Variants in SPATA6L observed in about 807,000 individuals in gnomAD.
SPATA6L encodes the protein spermatogenesis associated 6-like protein.
SPATA6L carries 68 observed loss-of-function variants against 49.2 expected under a neutral mutation model. The ratio of observed to expected loss-of-function variants is 1.38; its 90% CI spans 1.14 to 1.69. SPATA6L has a LOEUF of 1.69. SPATA6L is among the 40% of genes most tolerant of loss of function. The pLI, the probability that SPATA6L is intolerant of heterozygous loss-of-function variation, is 0.00. For missense variants in SPATA6L, 668 were observed against 464.3 expected (o/e 1.44, Z -4.03); for synonymous variants, 198 against 165.7 (o/e 1.19, Z -1.50).
intron 3 of SPATA6L, among the ~76,000 whole-genome samples, chr9:4,649,062 TACACACACACAC>T (rs55949521): frequency 0.12 from 17,504 of 149,988 alleles, 1,309 homozygotes; most frequent in African/African-American, 0.21. Context: ...TATAGAAATA[TACACACACACAC>T]ACACACACAC....
chr9:4,621,265 G>A (rs1360161921), intron 7 of SPATA6L, among the ~76,000 whole-genome samples: 1 of 152,166 alleles, frequency 6.6e-6, no homozygotes, highest in African/African-American at 2.4e-5. Flanking sequence ...AAGCCTACAA[G>A]GGGTTCCTTA....
chr9:4,606,032 G>C (rs1261229844), intron 9 of SPATA6L, among the ~76,000 whole-genome samples: 2 of 151,524 alleles, frequency 1.3e-5, no homozygotes, highest in Admixed American at 6.5e-5. Context: ...CCCTTTCCGA[G>C]TCAAAGAAAG....
chr9:4,636,479 A>T (rs922975626), intron 3 of SPATA6L, among the ~76,000 whole-genome samples: 2 of 152,224 alleles, frequency 1.3e-5, no homozygotes, highest in African/African-American at 2.4e-5. Context: ...CGAAGGACAG[A>T]AAGCTACCAT....
intron 11 of SPATA6L, among the ~76,000 whole-genome samples, chr9:4,603,938 T>G (rs1010562489): frequency 6.6e-5 from 10 of 152,042 alleles, no homozygotes; most frequent in Non-Finnish European, 1.3e-4. Flanking sequence ...GAAAGTCTAT[T>G]AGATAAAGGG....
intron 4 of SPATA6L, among the ~76,000 whole-genome samples, chr9:4,631,955 GAGGACTGAAC>G (rs1343848683): frequency 2.0e-5 from 3 of 152,098 alleles, no homozygotes; most frequent in Non-Finnish European, 4.4e-5. Context: ...CAAGGTGAAG[GAGGACTGAAC>G]AGGATAATCC....
chr9:4,612,851 G>A (rs1388249863), intron 9 of SPATA6L, among the ~76,000 whole-genome samples: 1 of 152,098 alleles, frequency 6.6e-6, no homozygotes, highest in Admixed American at 6.6e-5. Context: ...CCTAAAGTCT[G>A]AGGTATAACT....
At chr9:4,654,332 C>T (rs977522363) in intron 3 of SPATA6L, among the ~76,000 whole-genome samples, 3 of 152,162 alleles carry the variant, frequency 2.0e-5, no homozygotes, top group Admixed American at 6.5e-5. Context: ...GGGTGTGGCT[C>T]GCTTCTTCAG....
intron 6 of SPATA6L, 110 bp downstream of exon 6, chr9:4,625,217 C>G (rs1830111087): frequency 6.9e-7 from 1 of 1,443,620 alleles, no homozygotes; most frequent in Admixed American, 2.5e-5. Flanking sequence ...TTTGAAGTAC[C>G]TTTTTATTGA....
In SPATA6L at chr9:4,606,194, A is replaced by G. The variant is rs1393424748; in HGVS notation, c.996-754T>C. Among the ~76,000 whole-genome samples the G allele has an allele frequency of 1.6e-3, 237 of 151,124 alleles. 2 individuals carry two copies. Among genetic ancestry groups the G allele is most frequent in the Admixed American group, 2.8e-3 (43 of 15,202 alleles). Reference sequence around the variant, plus strand: ...TTGCTAGCACAGCAGTCTGAGATCAAACTGCAAGGCGGCAGCGAGGCTGGG... The same window carrying G: ...TTGCTAGCACAGCAGTCTGAGATCAGACTGCAAGGCGGCAGCGAGGCTGGG... On this transcript the variant is annotated intron_variant, in intron 9 of 11. Transcript: ENST00000682582.
chr9:4,657,084 G>T (rs1409078645), intron 2 of SPATA6L, among the ~76,000 whole-genome samples: 2 of 152,146 alleles, frequency 1.3e-5, no homozygotes, highest in Non-Finnish European at 2.9e-5. Flanking sequence ...AAGGGCCTGG[G>T]ATAGGATTGA....
At position 4,662,706 on chromosome 9, in the gene SPATA6L, C is replaced by T; in HGVS notation, c.40-670G>A. ...CCTGCGCTCCCTGCTGGCCATCGACCTGTGGCTGTCCAAGAAGCTGGGGGT... is the reference window on the plus strand; with the variant it reads ...CCTGCGCTCCCTGCTGGCCATCGACTTGTGGCTGTCCAAGAAGCTGGGGGT... On this transcript the variant is annotated intron_variant, in intron 1 of 11. Coordinates refer to ENST00000682582, the MANE Select transcript of SPATA6L (RefSeq NM_001353486.2). The surrounding 1 kb of genome is among the most constrained non-coding windows in gnomAD (Gnocchi z 4.9). 6.2e-7 allele frequency: 1 copy of T among 1,601,846 alleles called. No homozygotes were observed. The highest frequency in any genetic ancestry group is 8.5e-7 in the Non-Finnish European group (1 of 1,179,902).
chr9:4,660,869 G>A (rs545188644), intron 2 of SPATA6L, among the ~76,000 whole-genome samples: 10 of 152,290 alleles, frequency 6.6e-5, no homozygotes, highest in South Asian at 2.1e-4. Context: ...GGATGAGTTC[G>A]TGTCCTTTGT....
intron 9 of SPATA6L, among the ~76,000 whole-genome samples, chr9:4,616,778 T>A (rs527992550): frequency 4.6e-5 from 7 of 152,228 alleles, no homozygotes; most frequent in African/African-American, 1.7e-4. Flanking sequence ...AGAGACAGGG[T>A]TTCTCCATGT....
intron 10 of SPATA6L, 144 bp from the exon 11 acceptor site, chr9:4,604,413 G>C (rs1824196906): frequency 2.0e-6 from 1 of 501,786 alleles, no homozygotes; most frequent in East Asian, 3.4e-5. Context: ...TGTGTATATA[G>C]AATCTTTCTT....
intron 3 of SPATA6L, among the ~76,000 whole-genome samples, chr9:4,637,512 T>C (rs1833045026): frequency 6.6e-6 from 1 of 152,218 alleles, no homozygotes; most frequent in Non-Finnish European, 1.5e-5. Context: ...ATTATTCTAC[T>C]GCTGGCAGGG....
chr9:4,633,746 T>C (rs1297445291), intron 4 of SPATA6L: 2 of 152,382 alleles, frequency 1.3e-5, no homozygotes, highest in Non-Finnish European at 2.9e-5. Context: ...TGTGAGCTTC[T>C]ACTTCTGAGT....
At chr9:4,615,864 C>T (rs544925862) in intron 9 of SPATA6L, among the ~76,000 whole-genome samples, 2 of 152,088 alleles carry the variant, frequency 1.3e-5, no homozygotes, top group Non-Finnish European at 2.9e-5. Context: ...GTTATAGATA[C>T]CAGGCACAGA....
Position 4,621,298 on chromosome 9 carries a change from G to A in SPATA6L, c.772+1110C>T, listed in dbSNP as rs140717290. On this transcript the variant is annotated intron_variant, in intron 7 of 11. Transcript: ENST00000682582. ...TTAACCCAGTGACTCTCAATGTGTG[G>A]TCCAGGGATCTCCCCCAGGGGTACC... Among the ~76,000 whole-genome samples, 234 of 152,298 alleles carry A rather than the reference G, an allele frequency of 1.5e-3. 3 individuals carry two copies. The highest frequency in any genetic ancestry group is 5.4e-3 in the African/African-American group (223 of 41,550).
At chr9:4,635,136 T>A in intron 4 of SPATA6L, 139 bp downstream of exon 4, 1 of 801,200 alleles carries the variant, frequency 1.2e-6, no homozygotes, top group Non-Finnish European at 1.8e-6. Context: ...GTACCTTGAG[T>A]TGGGCATCAA....
Sources: gnomAD v4.1 joint callset for allele counts (sites outside exome capture counted in the v4.1 genomes callset) on GRCh38, gnomAD v4.1.1 for gene constraint, Gnocchi (gnomAD v3.1) non-coding constraint, MANE v1.5 for transcripts, NCBI Gene and HGNC (gene_info 2026-07-23, HGNC 2026-07-21) for gene names.